Variants in PRR5L observed in about 807,000 individuals in gnomAD.
The protein encoded by PRR5L is proline rich 5 like.
Under a neutral mutation model 36.4 loss-of-function variants are expected in PRR5L, and 21 were observed. The observed-to-expected ratio is 0.58, with a 90% CI of 0.41 to 0.83. The LOEUF (loss-of-function observed/expected upper bound fraction) is 0.83, where lower values mean the gene tolerates loss of function less well. Ranked by LOEUF, PRR5L falls within the 40% of genes least tolerant of loss-of-function variation. The pLI is 0.00. For synonymous variants in PRR5L, 188 were observed against 197.0 expected (o/e 0.95, Z 0.38); for missense variants, 381 against 473.3 (o/e 0.80, Z 1.81).
intron 4 of PRR5L, among the ~76,000 whole-genome samples, chr11:36,422,846 G>A (rs1046804176): frequency 1.3e-5 from 2 of 152,114 alleles, no homozygotes; most frequent in African/African-American, 2.4e-5. Context: ...ATTGTGTCCG[G>A]AAGGAAAATT....
intron 1 of PRR5L, among the ~76,000 whole-genome samples, chr11:36,307,233 C>T (rs1040682584): frequency 2.6e-5 from 4 of 152,156 alleles, no homozygotes. Flanking sequence ...TTTGCAAATG[C>T]TTCATATGCC....
chr11:36,361,458 T>C (rs551604171), intron 1 of PRR5L, among the ~76,000 whole-genome samples: 2 of 152,344 alleles, frequency 1.3e-5, no homozygotes, highest in African/African-American at 4.8e-5. Context: ...TCAGTTTTAG[T>C]TTCTAATATG....
chr11:36,400,384 G>A (rs543640683), intron 1 of PRR5L, among the ~76,000 whole-genome samples: 1 of 152,208 alleles, frequency 6.6e-6, no homozygotes, highest in Non-Finnish European at 1.5e-5. Flanking sequence ...AGTACCCTGA[G>A]AGCAGGGATT....
intron 1 of PRR5L, among the ~76,000 whole-genome samples, chr11:36,326,217 C>G (rs976291725): frequency 6.6e-6 from 1 of 151,996 alleles, no homozygotes. Flanking sequence ...CCAATATACA[C>G]CCTTTCCTCC....
At chr11:36,386,992 C>G (rs1169454927) in intron 1 of PRR5L, among the ~76,000 whole-genome samples, 1 of 152,132 alleles carries the variant, frequency 6.6e-6, no homozygotes, top group Non-Finnish European at 1.5e-5. Flanking sequence ...TGGTTTCCAT[C>G]CAATGGGCTG....
chr11:36,412,964 G>A (rs916489934), intron 3 of PRR5L, among the ~76,000 whole-genome samples: 7 of 152,064 alleles, frequency 4.6e-5, no homozygotes, highest in Non-Finnish European at 7.4e-5. Context: ...TTTTTGGTGG[G>A]GGGAAGGTAG....
chr11:36,326,909 T>A (rs1284797991), intron 1 of PRR5L, among the ~76,000 whole-genome samples: 6 of 152,192 alleles, frequency 3.9e-5, no homozygotes, highest in Non-Finnish European at 7.3e-5. Flanking sequence ...CTGGGTGAAT[T>A]CCACTAGAAG....
intron 1 of PRR5L, among the ~76,000 whole-genome samples, chr11:36,351,461 A>G (rs1856951624): frequency 1.6e-5 from 1 of 63,444 alleles, no homozygotes; most frequent in Non-Finnish European, 2.6e-5. Context: ...ATATATTTAT[A>G]TATTTATATA....
At chr11:36,439,538 C>A (rs1858677199) in intron 6 of PRR5L, among the ~76,000 whole-genome samples, 1 of 152,180 alleles carries the variant, frequency 6.6e-6, no homozygotes, top group South Asian at 2.1e-4. Flanking sequence ...TGCTGGCTTC[C>A]CTTTTCCTGT....
chr11:36,401,436 T>C, intron 2 of PRR5L, 151 bp downstream of exon 2: 1 of 729,822 alleles, frequency 1.4e-6, no homozygotes, highest in Non-Finnish European at 2.2e-6. Context: ...TTTTTTTCCT[T>C]TTTTAAGAGA....
chr11:36,357,219 G>A (rs1857037103), intron 1 of PRR5L, among the ~76,000 whole-genome samples: 1 of 152,218 alleles, frequency 6.6e-6, no homozygotes, highest in Non-Finnish European at 1.5e-5. Context: ...TGAGCAAGGT[G>A]AGGAAGCTGC....
At chr11:36,391,562 A>AC (rs994745881) in intron 1 of PRR5L, among the ~76,000 whole-genome samples, 48 of 114,596 alleles carry the variant, frequency 4.2e-4, no homozygotes, top group African/African-American at 1.4e-3. Flanking sequence ...CAGCACCAAA[A>AC]CTTTTAAGTT....
intron 8 of PRR5L, among the ~76,000 whole-genome samples, chr11:36,452,161 A>G (rs1858959083): frequency 1.3e-5 from 2 of 152,236 alleles, no homozygotes; most frequent in African/African-American, 2.4e-5. Context: ...GTCCCCAGGA[A>G]TGGTGCCTGG....
chr11:36,369,584 G>T (rs893095504), intron 1 of PRR5L, among the ~76,000 whole-genome samples: 1 of 151,884 alleles, frequency 6.6e-6, no homozygotes, highest in Admixed American at 6.6e-5. Context: ...GGATAACTCT[G>T]GGAATTTATT....
intron 1 of PRR5L, among the ~76,000 whole-genome samples, chr11:36,297,211 C>G (rs1856321441): frequency 6.6e-6 from 1 of 152,150 alleles, no homozygotes; most frequent in African/African-American, 2.4e-5. Context: ...AATCTTAGAC[C>G]CGCCCAGCCC....
intron 1 of PRR5L, among the ~76,000 whole-genome samples, chr11:36,367,658 T>C (rs1326548438): frequency 6.6e-6 from 1 of 152,168 alleles, no homozygotes. Flanking sequence ...ACCTGGACCC[T>C]GGACCCCACT....
chr11:36,419,558 C>T (rs1858219142), intron 4 of PRR5L, among the ~76,000 whole-genome samples: 1 of 152,160 alleles, frequency 6.6e-6, no homozygotes, highest in South Asian at 2.1e-4. Flanking sequence ...AAACGTATTG[C>T]TTATTTGGGT....
intron 4 of PRR5L, among the ~76,000 whole-genome samples, chr11:36,420,742 A>G (rs1858244970): frequency 6.6e-6 from 1 of 152,156 alleles, no homozygotes; most frequent in Non-Finnish European, 1.5e-5. Flanking sequence ...TTTTGAAAAC[A>G]GTACAGGCAT....
At position 36,323,003 on chromosome 11, in the gene PRR5L, C is replaced by A. The variant is rs1389328957; in HGVS notation, c.-126+26565C>A. ...CTAAGAGAAAGGCATGAACTAGATT[C>A]TTCTCTAGAGCATATCCCTGTGCAC... On this transcript the variant is annotated intron_variant, in intron 1 of 8. Transcript: ENST00000530639. Among the ~76,000 whole-genome samples the A allele has an allele frequency of 2.6e-5, 4 of 152,194 alleles. No homozygotes were observed. In the South Asian group the frequency reaches 8.3e-4, roughly 31 times the overall value.
Sources: allele counts gnomAD v4.1 joint callset (sites outside exome capture counted in the v4.1 genomes callset), GRCh38; gene constraint gnomAD v4.1.1; transcripts MANE v1.5; gene names NCBI Gene and HGNC (gene_info 2026-07-23, HGNC 2026-07-21).